Variants in SEC24B observed in about 807,000 individuals in gnomAD.
The protein encoded by SEC24B is protein transport protein Sec24B.
Under a neutral mutation model 142.8 loss-of-function variants are expected in SEC24B, and 45 were observed. The ratio of observed to expected loss-of-function variants is 0.32; its 90% CI spans 0.25 to 0.40. The LOEUF (loss-of-function observed/expected upper bound fraction) is 0.40. SEC24B is among the 10% of genes least tolerant of loss of function. The pLI is 1.00. For synonymous variants in SEC24B, 574 were observed against 568.2 expected, an observed-to-expected ratio of 1.01 and a Z score of -0.15; for missense variants, 1,409 against 1,526.8, an observed-to-expected ratio of 0.92 and a Z score of 1.29.
Position 109,433,938 on chromosome 4 carries a change from G to T in SEC24B, c.69G>T (p.Ala23=). Residue 23 remains alanine (A), a synonymous_variant, in exon 1 of 24, where the codon GCG becomes GCT. Transcript: ENST00000265175. ...SARIPPKFGG[A]AVSGAAAPAG... is the part of the protein sequence containing the mutation. ...GGATCCCGCCCAAGTTCGGCGGAGC[G>T]GCCGTCTCAGGAGCCGCAGCGCCCG... The T allele has an allele frequency of 7.8e-7, 1 of 1,276,920 alleles. No individual in the cohort carries two copies. The highest frequency in any genetic ancestry group is 1.6e-5 in the African/African-American group (1 of 64,114). The allele number at this position is 1,276,920 out of a possible 1,614,324, so 79.1% of individuals were successfully genotyped here.
chr4:109,461,053 G>A (rs924212667), intron 1 of SEC24B, among the ~76,000 whole-genome samples: 5 of 152,090 alleles, frequency 3.3e-5, no homozygotes, highest in African/African-American at 4.8e-5. Context: ...AATACTTACA[G>A]CACATAACAT....
intron 1 of SEC24B, among the ~76,000 whole-genome samples, chr4:109,440,475 A>G (rs1728835567): frequency 6.6e-6 from 1 of 152,228 alleles, no homozygotes; most frequent in Non-Finnish European, 1.5e-5. Flanking sequence ...TGGAGAAGCT[A>G]CTATTTTCAA....
At chr4:109,510,238 A>G (rs1158766773) in intron 8 of SEC24B, 127 bp downstream of exon 8, 2 of 472,178 alleles carry the variant, frequency 4.2e-6, no homozygotes, top group African/African-American at 2.0e-5. Context: ...AATCATTTCC[A>G]TAACAACTTG....
At position 109,530,368 on chromosome 4, in the gene SEC24B, A is replaced by G; in HGVS notation, c.3156A>G (p.Ala1052=). The change falls in exon 19 of 24, where the codon GCA becomes GCG. Residue 1052 remains alanine, a synonymous_variant. Coordinates refer to ENST00000265175, the MANE Select transcript of SEC24B (RefSeq NM_006323.5). Reference sequence around the variant, plus strand: ...ATGCTGTAGTGGACTCATTGTCTGCATATGGCTCAACTGTCTCAAATTTAC... The same window carrying G: ...ATGCTGTAGTGGACTCATTGTCTGCGTATGGCTCAACTGTCTCAAATTTAC... ...LVNAVVDSLS[A]YGSTVSNLQH... is the part of the protein sequence containing the mutation. 1.2e-6 allele frequency: 2 copies of G among 1,614,150 alleles called. No homozygotes were observed. The highest frequency in any genetic ancestry group is 2.2e-5 in the East Asian group (1 of 44,872).
At chr4:109,497,747 G>T (rs1349814562) in intron 6 of SEC24B, among the ~76,000 whole-genome samples, 1 of 152,036 alleles carries the variant, frequency 6.6e-6, no homozygotes. Flanking sequence ...TCCAGTGTGG[G>T]GCCATTATGA....
chr4:109,447,867 G>A (rs565165905), intron 1 of SEC24B, among the ~76,000 whole-genome samples: 92 of 152,324 alleles, frequency 6.0e-4, no homozygotes, highest in African/African-American at 2.2e-3. Context: ...GGCATCTACA[G>A]GGCTGCATTC....
chr4:109,533,422 G>A (rs1427329372), intron 21 of SEC24B, among the ~76,000 whole-genome samples, 171 bp from the exon 22 acceptor site: 1 of 152,104 alleles, frequency 6.6e-6, no homozygotes, highest in African/African-American at 2.4e-5. Context: ...AATCAAAGAC[G>A]ATGTGAACCA....
chr4:109,514,989 C>T (rs1220710036), intron 10 of SEC24B, among the ~76,000 whole-genome samples: 1 of 152,210 alleles, frequency 6.6e-6, no homozygotes, highest in Non-Finnish European at 1.5e-5. Context: ...TATTTTCCCA[C>T]TCCATATTGG....
rs565710466 is a variant in SEC24B, at chr4:109,437,805, A to G, written c.133+3803A>G. Among the ~76,000 whole-genome samples the G allele has an allele frequency of 5.3e-5, 8 of 152,174 alleles. No individual in the cohort carries two copies. The South Asian group carries it at 1.7e-3, about 32-fold the overall frequency. On this transcript the variant is annotated intron_variant, in intron 1 of 23. Coordinates refer to ENST00000265175, the MANE Select transcript of SEC24B (RefSeq NM_006323.5). ...ACTCCTGGGTAATTTTTGTATTTTT[A>G]GTAGAGATGGAGTTTCACCATGTTG... is the stretch of plus-strand genomic sequence containing the variant.
chr4:109,530,465 G>T lies in SEC24B; in HGVS notation c.3252+1G>T. ...CTATGTTTTGGCCCTTCTCAAACAG[G>T]TAGCTTTTTATACATTGCTATATTT... On this transcript the variant is annotated splice_donor_variant, in intron 19 of 23. Coordinates refer to ENST00000265175, the MANE Select transcript of SEC24B (RefSeq NM_006323.5). LOFTEE classifies it high-confidence loss of function. The T allele has an allele frequency of 6.2e-7, 1 of 1,611,378 alleles. No homozygotes were observed. The highest frequency in any genetic ancestry group is 8.5e-7 in the Non-Finnish European group (1 of 1,178,442).
At chr4:109,480,030 TATTG>T (rs1304083376) in intron 3 of SEC24B, among the ~76,000 whole-genome samples, 1 of 152,196 alleles carries the variant, frequency 6.6e-6, no homozygotes, top group Non-Finnish European at 1.5e-5. Flanking sequence ...ATTTTTATTT[TATTG>T]ATTTTTATTT....
chr4:109,451,661 G>T (rs1160255224), intron 1 of SEC24B, among the ~76,000 whole-genome samples: 1 of 152,094 alleles, frequency 6.6e-6, no homozygotes, highest in Admixed American at 6.6e-5. Context: ...AAGGGACTCT[G>T]GTTTCTTTTA....
intron 1 of SEC24B, among the ~76,000 whole-genome samples, chr4:109,447,877 C>G (rs1471857866): frequency 6.6e-6 from 1 of 152,220 alleles, no homozygotes; most frequent in African/African-American, 2.4e-5. Context: ...GGGCTGCATT[C>G]CCTTCTAGAG....
At chr4:109,470,120 G>A (rs890636861) in intron 2 of SEC24B, among the ~76,000 whole-genome samples, 2 of 152,172 alleles carry the variant, frequency 1.3e-5, no homozygotes, top group Non-Finnish European at 2.9e-5. Context: ...TCAGGATGTG[G>A]AGTAACAGGA....
intron 1 of SEC24B, among the ~76,000 whole-genome samples, chr4:109,450,563 C>T (rs1171819917): frequency 6.7e-6 from 1 of 149,588 alleles, no homozygotes; most frequent in African/African-American, 2.5e-5. Context: ...GAGGCTGAGG[C>T]AGGAGAATTG....
rs1579026195 is a variant in SEC24B at position 109,539,775 on chromosome 4, A to G, written c.*100A>G. 1.4e-6 allele frequency: 1 copy of G among 728,070 alleles called. No individual in the cohort carries two copies. The highest frequency in any genetic ancestry group is 2.4e-6 in the Non-Finnish European group (1 of 425,250). 45.1% of individuals were successfully genotyped at this position (728,070 alleles called of 1,614,324 possible). ...ATTTGAAATGAAGGCATTTGTTAAT[A>G]CAAGATGCAACGCACAGCACTCTGT... On this transcript the variant is annotated 3_prime_UTR_variant, in exon 24 of 24. Coordinates refer to ENST00000265175, the MANE Select transcript of SEC24B (RefSeq NM_006323.5).
chr4:109,530,895 CAAAAAAAAA>C (rs35997146), intron 19 of SEC24B, among the ~76,000 whole-genome samples: 5 of 46,340 alleles, frequency 1.1e-4, no homozygotes, highest in East Asian at 8.9e-4. Flanking sequence ...GACTCCGTCT[CAAAAAAAAA>C]AAAAAAAAAA....
At chr4:109,438,906 T>C (rs1198743758) in intron 1 of SEC24B, among the ~76,000 whole-genome samples, 1 of 152,218 alleles carries the variant, frequency 6.6e-6, no homozygotes, top group Non-Finnish European at 1.5e-5. Context: ...ATTTCTTACC[T>C]TTTACTCTGC....
At chr4:109,489,692 AATAT>A (rs1457871374) in intron 4 of SEC24B, among the ~76,000 whole-genome samples, 2 of 136,650 alleles carry the variant, frequency 1.5e-5, no homozygotes, top group Non-Finnish European at 3.2e-5. Flanking sequence ...TACATATGAT[AATAT>A]ATATGGTCTT....
Sources: gnomAD v4.1 joint callset for allele counts (sites outside exome capture counted in the v4.1 genomes callset) on GRCh38, gnomAD v4.1.1 for gene constraint, MANE v1.5 for transcripts, NCBI Gene and HGNC (gene_info 2026-07-23, HGNC 2026-07-21) for gene names.